Variants in SENP7 observed in about 807,000 individuals in gnomAD.
SENP7 encodes SUMO specific peptidase 7.
SENP7 carries 64 observed loss-of-function variants against 141.2 expected under a neutral mutation model. The observed-to-expected ratio is 0.45, with a 90% confidence interval of 0.37 to 0.56. The LOEUF (loss-of-function observed/expected upper bound fraction) is 0.56, where lower values mean the gene tolerates loss of function less well. Among genes scored for constraint, SENP7 ranks in the 20% least tolerant of loss-of-function variants. The pLI is 0.00. For missense variants in SENP7, 1,025 were observed against 1,212.2 expected, an observed-to-expected ratio of 0.85 and a Z score of 2.29; for synonymous variants, 382 against 426.4, an observed-to-expected ratio of 0.90 and a Z score of 1.28.
intron 5 of SENP7, among the ~76,000 whole-genome samples, chr3:101,403,331 T>C (rs1450227773): frequency 6.6e-6 from 1 of 152,248 alleles, no homozygotes; most frequent in African/African-American, 2.4e-5. Flanking sequence ...AAAGACACTA[T>C]GTTCATTTCA....
At chr3:101,335,367 T>C (rs2059157815) in intron 17 of SENP7, among the ~76,000 whole-genome samples, 1 of 152,196 alleles carries the variant, frequency 6.6e-6, no homozygotes, top group Non-Finnish European at 1.5e-5. Context: ...CCATTAAAAT[T>C]CATATCTCTT....
intron 4 of SENP7, among the ~76,000 whole-genome samples, chr3:101,432,091 C>T (rs1171539558): frequency 1.3e-5 from 2 of 152,220 alleles, no homozygotes; most frequent in East Asian, 1.9e-4. Flanking sequence ...GGCCAGGCAG[C>T]ATTCACAACA....
chr3:101,476,676 A>G (rs1014116965), intron 3 of SENP7, among the ~76,000 whole-genome samples: 1 of 152,216 alleles, frequency 6.6e-6, no homozygotes, highest in African/African-American at 2.4e-5. Context: ...GAATCGCCAC[A>G]CTGTCTTCCA....
intron 4 of SENP7, among the ~76,000 whole-genome samples, chr3:101,433,175 T>A (rs562844316): frequency 6.6e-6 from 1 of 151,992 alleles, no homozygotes; most frequent in African/African-American, 2.4e-5. Context: ...TTTATGCAAA[T>A]AGTGTTGTTA....
In SENP7 at chr3:101,325,555, A is replaced by C. The variant is rs118135287; in HGVS notation, c.*388T>G. 53 of 153,402 alleles carry C rather than the reference A, an allele frequency of 3.5e-4. 1 individual carries two copies. In the East Asian group the frequency reaches 1.0e-2, roughly 29 times the overall value. The allele number at this position is 153,402 out of a possible 1,614,324, so 9.5% of individuals were successfully genotyped here. A position where few individuals can be genotyped will look rare whatever the true frequency, so the allele number is the denominator to read the frequency against. ...TGACCTGTCAGCAAATTTGACAAGC[A>C]CTGGGGCTGGCACCAGGGAGGCTTT... is the stretch of plus-strand genomic sequence containing the variant. On this transcript the variant is annotated 3_prime_UTR_variant, in exon 24 of 24. Transcript: ENST00000394095.
intron 3 of SENP7, among the ~76,000 whole-genome samples, chr3:101,459,579 T>C (rs2063482544): frequency 6.6e-6 from 1 of 152,190 alleles, no homozygotes; most frequent in Non-Finnish European, 1.5e-5. Flanking sequence ...ATTTATATTC[T>C]CTATGCCTTA....
intron 17 of SENP7, among the ~76,000 whole-genome samples, chr3:101,334,019 T>G (rs909033148): frequency 1.3e-5 from 2 of 152,146 alleles, no homozygotes; most frequent in Non-Finnish European, 2.9e-5. Flanking sequence ...CACGCACTGT[T>G]CACAACAGGG....
intron 20 of SENP7, 111 bp downstream of exon 20, chr3:101,330,223 C>T (rs2059012621): frequency 1.5e-6 from 1 of 669,440 alleles, no homozygotes; most frequent in Non-Finnish European, 2.5e-6. Flanking sequence ...CACAAAGCAG[C>T]ACAATCTAAT....
intron 2 of SENP7, among the ~76,000 whole-genome samples, chr3:101,500,444 C>G (rs1476221600): frequency 6.6e-6 from 1 of 151,844 alleles, no homozygotes; most frequent in Non-Finnish European, 1.5e-5. Context: ...GTATTCCCAG[C>G]TACATGGGAG....
rs1166159376 is a variant in SENP7, at chr3:101,398,991, G to T, written c.547C>A (p.Pro183Thr). ...CTCAAACTTCCCTCAGTTACAGGTG[G>T]GGTCCTTATGTATTTTCTTCCTAAC... is the stretch of plus-strand genomic sequence containing the variant. ...TELGRKYIRTPPVTEGSLSDT... is the reference protein window; with the variant it reads ...TELGRKYIRTTPVTEGSLSDT... Residue 183 changes from proline to threonine, a missense_variant, in exon 6 of 24, where the codon CCA becomes ACA. Around this residue, in one of 4 missense-constraint regions of SENP7, gnomAD observed 496 missense variants for 503.5 expected, o/e 0.99. Coordinates refer to ENST00000394095, the MANE Select transcript of SENP7 (RefSeq NM_020654.5). 1.9e-6 allele frequency: 3 copies of T among 1,613,264 alleles called. No individual in the cohort carries two copies.
chr3:101,500,937 C>T (rs2065352838), intron 2 of SENP7, 133 bp downstream of exon 2: 7 of 618,584 alleles, frequency 1.1e-5, no homozygotes, highest in Admixed American at 3.5e-5. Context: ...AATTAGAATA[C>T]ACCACTCTCC....
chr3:101,417,503 G>A, intron 5 of SENP7, 90 bp downstream of exon 5: 1 of 1,080,038 alleles, frequency 9.3e-7, no homozygotes, highest in South Asian at 1.3e-5. Flanking sequence ...TCTCCTTTCA[G>A]GTCATTTCAA....
intron 3 of SENP7, among the ~76,000 whole-genome samples, chr3:101,466,782 T>C (rs1161063867): frequency 6.6e-6 from 1 of 151,998 alleles, no homozygotes; most frequent in Non-Finnish European, 1.5e-5. Context: ...AGAAGATGGG[T>C]GATTTCTGCA....
intron 3 of SENP7, among the ~76,000 whole-genome samples, chr3:101,490,385 A>G (rs963044370): frequency 6.6e-6 from 1 of 152,182 alleles, no homozygotes; most frequent in Non-Finnish European, 1.5e-5. Flanking sequence ...AAGAGTACAT[A>G]TTATGTGATT....
chr3:101,362,676 T>C (rs2059932675), intron 10 of SENP7, among the ~76,000 whole-genome samples: 1 of 152,222 alleles, frequency 6.6e-6, no homozygotes, highest in African/African-American at 2.4e-5. Context: ...TGTGTGCTAC[T>C]GCACTTTTAA....
At chr3:101,443,272 T>C (rs1436952814) in intron 4 of SENP7, among the ~76,000 whole-genome samples, 3 of 152,192 alleles carry the variant, frequency 2.0e-5, no homozygotes, top group African/African-American at 7.2e-5. Context: ...ATATGCGGCG[T>C]TATTTCCGAG....
intron 18 of SENP7, among the ~76,000 whole-genome samples, chr3:101,332,352 G>A (rs1478379590): frequency 2.0e-5 from 3 of 151,940 alleles, no homozygotes; most frequent in Non-Finnish European, 4.4e-5. Flanking sequence ...TCATACAATC[G>A]GTGTTTCCTA....
At chr3:101,452,118 C>T (rs1401445134) in intron 4 of SENP7, among the ~76,000 whole-genome samples, 1 of 151,842 alleles carries the variant, frequency 6.6e-6, no homozygotes, top group Non-Finnish European at 1.5e-5. Flanking sequence ...TTCACAATTG[C>T]TTCAAAGAGA....
chr3:101,363,146 C>A lies in SENP7; in HGVS notation c.1477-1285G>T, dbSNP rs371456106. 287 of 935,690 alleles carry A rather than the reference C, an allele frequency of 3.1e-4. No individual in the cohort carries two copies. In the African/African-American group the frequency reaches 4.8e-3, roughly 16 times the overall value. 58.0% of individuals were successfully genotyped at this position (935,690 alleles called of 1,614,324 possible). On this transcript the variant is annotated intron_variant, in intron 10 of 23. Coordinates refer to ENST00000394095, the MANE Select transcript of SENP7 (RefSeq NM_020654.5). The stretch of plus-strand genomic sequence containing the variant: ...GCCATTTACCTGCTTAATTGAATTT[C>A]TTTGTCATTCTCATGTTTTATTGCT...
Sources: gnomAD v4.1 joint callset for allele counts (sites outside exome capture counted in the v4.1 genomes callset) on GRCh38, gnomAD v4.1.1 for gene constraint, gnomAD v4.1.1 regional missense constraint, MANE v1.5 for transcripts, NCBI Gene and HGNC (gene_info 2026-07-23, HGNC 2026-07-21) for gene names.